The following BEST1 variants were observed in gnomAD, a reference collection of about 807,000 sequenced individuals.
The protein encoded by BEST1 is bestrophin 1.
A neutral mutation model predicts 63.3 loss-of-function variants in BEST1; 58 were observed. The ratio of observed to expected loss-of-function variants is 0.92; its 90% CI spans 0.74 to 1.14. The LOEUF (loss-of-function observed/expected upper bound fraction) is 1.14. Ranked by LOEUF, BEST1 falls within the 50% of genes most tolerant of loss-of-function variation. BEST1 has a pLI of 0.00. For missense variants in BEST1, 671 were observed against 740.1 expected (o/e 0.91, Z 1.08); for synonymous variants, 283 against 291.6 (o/e 0.97, Z 0.30).
At chr11:61,951,189 G>A (rs1591264078) in intron 1 of BEST1, among the ~76,000 whole-genome samples, 1 of 147,722 alleles carries the variant, frequency 6.8e-6, no homozygotes, top group African/African-American at 2.7e-5. Flanking sequence ...TACTGCCTTT[G>A]TCATTGTATT....
chr11:61,954,876 G>C, intron 2 of BEST1: 1 of 985,406 alleles, frequency 1.0e-6, no homozygotes, highest in Non-Finnish European at 1.2e-6. Context: ...GCCAGTGTGA[G>C]GATTCTCCCC....
chr11:61,957,345 C>A (rs201614090), intron 5 of BEST1, 42 bp from the exon 6 acceptor site: 2 of 1,564,406 alleles, frequency 1.3e-6, no homozygotes, highest in African/African-American at 2.7e-5. Context: ...AGGGTGGGGG[C>A]AGGTGGTGTT....
In BEST1 at chr11:61,961,790, T is replaced by C. The variant is rs1942092495; in HGVS notation, c.1101-465T>C. The C allele has an allele frequency of 4.5e-5, 9 of 202,034 alleles. No individual in the cohort carries two copies. The South Asian group carries it at 6.4e-4, about 14-fold the overall frequency. 12.5% of individuals were successfully genotyped at this position (202,034 alleles called of 1,614,324 possible). A position where few individuals can be genotyped will look rare whatever the true frequency, so the allele number is the denominator to read the frequency against. On this transcript the variant is annotated intron_variant, in intron 9 of 10. Transcript: ENST00000378043. ...TAAGCTTTCCCTTGCAGGGTAAAGGTCTGGGGCTCCCGGGATGCCTGTTGC... is the reference window on the plus strand; with the variant it reads ...TAAGCTTTCCCTTGCAGGGTAAAGGCCTGGGGCTCCCGGGATGCCTGTTGC...
intron 3 of BEST1, chr11:61,955,510 G>T (rs1004560442): frequency 2.8e-6 from 3 of 1,075,672 alleles, no homozygotes; most frequent in African/African-American, 1.6e-5. Context: ...CCAGCAGGGG[G>T]ACCCCCGGGT....
chr11:61,954,925 T>C, intron 2 of BEST1, 182 bp from the exon 3 acceptor site: 2 of 985,320 alleles, frequency 2.0e-6, no homozygotes, highest in Non-Finnish European at 2.4e-6. Context: ...CTGTCCGGGT[T>C]TGGGGCTGTA....
intron 7 of BEST1, 48 bp downstream of exon 7, chr11:61,958,346 T>C (rs769883186): frequency 8.2e-5 from 132 of 1,613,434 alleles, no homozygotes; most frequent in Non-Finnish European, 1.1e-4. Flanking sequence ...GCCAGAGGGG[T>C]CATGGCCAGC....
At chr11:61,961,894 G>A (rs1942101695) in intron 9 of BEST1, 1 of 297,002 alleles carries the variant, frequency 3.4e-6, no homozygotes, top group Non-Finnish European at 6.5e-6. Context: ...AGTCACTCAT[G>A]GGCCTCATCT....
chr11:61,964,743 C>T (rs775188176), downstream of BEST1: 15 of 1,598,730 alleles, frequency 9.4e-6, no homozygotes, highest in Non-Finnish European at 1.3e-5. Flanking sequence ...TTCATTATCA[C>T]TGTCTCCCAG....
intron 5 of BEST1, among the ~76,000 whole-genome samples, 181 bp from the exon 6 acceptor site, chr11:61,957,206 C>T (rs1169995921): frequency 6.6e-6 from 1 of 152,116 alleles, no homozygotes; most frequent in Non-Finnish European, 1.5e-5. Context: ...CTGTGAGGTC[C>T]TGGTTCCCTT....
In BEST1 at chr11:61,955,197, G is replaced by T. The variant is rs552858877; in HGVS notation, c.243G>T (p.Val81=). ...SYIQLIPISF[V]LGFYVTLVVT... ...TCCAGCTCATCCCCATTTCCTTCGT[G>T]CTGGGTGAGTTCCCCCTTCTGGCTG... Residue 81 remains valine (V), a synonymous_variant, in exon 3 of 11, where the codon GTG becomes GTT. Transcript: ENST00000378043. 2 of 1,614,168 alleles carry T rather than the reference G, an allele frequency of 1.2e-6. No homozygotes were observed. Among genetic ancestry groups the T allele is most frequent in the South Asian group, 2.2e-5 (2 of 91,090 alleles).
chr11:61,962,162 A>G (rs1942131239), intron 9 of BEST1, 93 bp from the exon 10 acceptor site: 2 of 1,424,800 alleles, frequency 1.4e-6, no homozygotes, highest in African/African-American at 1.4e-5. Context: ...GCTTGGGCCA[A>G]CTGAGAGAGA....
chr11:61,962,942 C>T, intron 10 of BEST1, 49 bp downstream of exon 10: 3 of 1,613,964 alleles, frequency 1.9e-6, no homozygotes, highest in Non-Finnish European at 2.5e-6. Flanking sequence ...TGTGCCCCAC[C>T]CCAGCTTCCC....
At chr11:61,958,901 C>CACAT (rs1554962814) in intron 7 of BEST1, 17 of 34,896 alleles carry the variant, frequency 4.9e-4, no homozygotes, top group Admixed American at 3.0e-3. Context: ...CACACACACA[C>CACAT]ACACATACAC....
In BEST1 at chr11:61,958,304, C is replaced by CCT. The variant is rs758089654; in HGVS notation, c.867+10_867+11dup. ...TCTATGTTGGCTGGCTGAAGGTGGGCCTCTCCAGGGCCCTGCTGGGCTGGA... is the reference window on the plus strand; with the variant it reads ...TCTATGTTGGCTGGCTGAAGGTGGGCCTCTCTCCAGGGCCCTGCTGGGCTGGA... On this transcript the variant is annotated splice_region_variant and intron_variant, in intron 7 of 10. Transcript: ENST00000378043. 1 of 1,614,114 alleles carries CCT rather than the reference C, an allele frequency of 6.2e-7. No individual in the cohort carries two copies. Among genetic ancestry groups the CCT allele is most frequent in the African/African-American group, 1.3e-5 (1 of 74,940 alleles).
chr11:61,951,461 G>A (rs1478214672), intron 1 of BEST1, among the ~76,000 whole-genome samples: 2 of 152,066 alleles, frequency 1.3e-5, no homozygotes, highest in East Asian at 1.9e-4. Flanking sequence ...CACCTGCCTC[G>A]ACTTCCCAAA....
At chr11:61,962,995 AT>A in intron 10 of BEST1, 102 bp downstream of exon 10, 2 of 1,603,644 alleles carry the variant, frequency 1.2e-6, no homozygotes, top group Non-Finnish European at 1.7e-6. Flanking sequence ...CTAGGGTTCC[AT>A]CACTGCCAGA....
chr11:61,965,040 T>A, downstream of BEST1: 1 of 1,613,262 alleles, frequency 6.2e-7, no homozygotes, highest in Non-Finnish European at 8.5e-7. Flanking sequence ...AGTGACTGAT[T>A]CACATTTTTT....
chr11:61,963,452 ACTT>A, intron 10 of BEST1: 1 of 1,130,380 alleles, frequency 8.8e-7, no homozygotes, highest in Non-Finnish European at 1.1e-6. Flanking sequence ...TCACCAAAAT[ACTT>A]CTTGCTTCCT....
In BEST1 at chr11:61,955,157, A is replaced by G; in HGVS notation, c.203A>G (p.Tyr68Cys). The stretch of plus-strand genomic sequence containing the variant: ...CTGATGTTTGAGAAACTGACTCTGT[A>G]TTGCGACAGCTACATCCAGCTCATC... Reference protein sequence around the residue: ...QQLMFEKLTLYCDSYIQLIPI... With the variant: ...QQLMFEKLTLCCDSYIQLIPI... The change falls in exon 3 of 11, where the codon TAT becomes TGT. Residue 68 changes from tyrosine to cysteine, a missense_variant. By Grantham distance (194) the Tyr-to-Cys change is radical (BLOSUM62 -2). Coordinates refer to ENST00000378043, the MANE Select transcript of BEST1 (RefSeq NM_004183.4). The G allele has an allele frequency of 1.2e-6, 2 of 1,614,162 alleles. No individual in the cohort carries two copies. The highest frequency in any genetic ancestry group is 8.5e-7 in the Non-Finnish European group (1 of 1,180,024).
Sources: allele counts gnomAD v4.1 joint callset (sites outside exome capture counted in the v4.1 genomes callset), GRCh38; gene constraint gnomAD v4.1.1; transcripts MANE v1.5; gene names NCBI Gene and HGNC (gene_info 2026-07-23, HGNC 2026-07-21).